Variants in TYW1B observed in about 807,000 individuals in gnomAD.
The protein encoded by TYW1B is S-adenosyl-L-methionine-dependent tRNA 4-demethylwyosine synthase TYW1B.
Under a neutral mutation model 86.9 loss-of-function variants are expected in TYW1B, and 73 were observed. The ratio of observed to expected loss-of-function variants is 0.84; its 90% confidence interval spans 0.70 to 1.02. The LOEUF is 1.02. Ranked by LOEUF, TYW1B falls within the 50% of genes least tolerant of loss-of-function variation. The pLI is 0.00. For synonymous variants in TYW1B, 248 were observed against 292.8 expected, an observed-to-expected ratio of 0.85 and a Z score of 1.56; for missense variants, 637 against 827.4, an observed-to-expected ratio of 0.77 and a Z score of 2.82.
chr7:72,805,596 A>G (rs1037558541), intron 5 of TYW1B, among the ~76,000 whole-genome samples: 1 of 151,268 alleles, frequency 6.6e-6, no homozygotes, highest in Admixed American at 6.6e-5. Flanking sequence ...TGGGGGTGAC[A>G]GAATGAGACC....
chr7:72,794,807 C>T (rs1321258007), intron 6 of TYW1B, among the ~76,000 whole-genome samples: 1 of 151,454 alleles, frequency 6.6e-6, no homozygotes, highest in African/African-American at 2.4e-5. Flanking sequence ...CAAGTAACAA[C>T]TTCCCCACTT....
intron 9 of TYW1B, among the ~76,000 whole-genome samples, chr7:72,725,451 T>C (rs1786981536): frequency 1.3e-5 from 2 of 152,130 alleles, no homozygotes; most frequent in Non-Finnish European, 2.9e-5. Context: ...CACATAAAAA[T>C]AAAAGTACTG....
chr7:72,629,181 T>A (rs1554439470), intron 11 of TYW1B, among the ~76,000 whole-genome samples, 184 bp from the exon 12 acceptor site: 1 of 152,236 alleles, frequency 6.6e-6, no homozygotes, highest in African/African-American at 2.4e-5. Context: ...GATTCTAACA[T>A]GCCTTATGGA....
chr7:72,580,155 C>A (rs1811119016), intron 13 of TYW1B, among the ~76,000 whole-genome samples: 1 of 152,130 alleles, frequency 6.6e-6, no homozygotes, highest in East Asian at 1.9e-4. Flanking sequence ...ATGAACAGAG[C>A]CACTAGACCC....
chr7:72,644,193 T>C (rs116628139), intron 11 of TYW1B, among the ~76,000 whole-genome samples: 46 of 152,100 alleles, frequency 3.0e-4, no homozygotes, highest in African/African-American at 1.0e-3. Context: ...CCATTGATAA[T>C]AGATAGTCAC....
At chr7:72,593,833 A>G (rs1554432072) in intron 13 of TYW1B, among the ~76,000 whole-genome samples, 1 of 149,608 alleles carries the variant, frequency 6.7e-6, no homozygotes, top group African/African-American at 2.5e-5. Context: ...AAAAAAAAAA[A>G]AAAAAAAAAA....
At chr7:72,728,165 C>T (rs1787039336) in intron 9 of TYW1B, among the ~76,000 whole-genome samples, 1 of 152,044 alleles carries the variant, frequency 6.6e-6, no homozygotes, top group Admixed American at 6.6e-5. Flanking sequence ...TTTCCACTAA[C>T]CTAAAATTTC....
At chr7:72,780,213 T>A (rs1788027821) in intron 6 of TYW1B, among the ~76,000 whole-genome samples, 1 of 152,134 alleles carries the variant, frequency 6.6e-6, no homozygotes, top group Admixed American at 6.6e-5. Context: ...CAAGCGATCC[T>A]CCCGCCTCAG....
intron 2 of TYW1B, among the ~76,000 whole-genome samples, chr7:72,822,044 G>T (rs1788836610): frequency 1.3e-5 from 2 of 151,396 alleles, no homozygotes; most frequent in African/African-American, 4.9e-5. Flanking sequence ...CTAGGAGTTT[G>T]AGACCAGACT....
chr7:72,632,367 G>GTATATATAATGTATATATA, intron 11 of TYW1B, among the ~76,000 whole-genome samples: 1 of 60,476 alleles, frequency 1.7e-5, no homozygotes, highest in East Asian at 5.1e-4. Flanking sequence ...ATATATATAC[G>GTATATATAATGTATATATA]CATATATATT....
chr7:72,784,171 T>A (rs1336139187), intron 6 of TYW1B, among the ~76,000 whole-genome samples: 1 of 151,096 alleles, frequency 6.6e-6, no homozygotes, highest in African/African-American at 2.4e-5. Flanking sequence ...CAATAGGCTT[T>A]ACATTTACAA....
intron 13 of TYW1B, among the ~76,000 whole-genome samples, chr7:72,603,673 G>A (rs1387581746): frequency 2.6e-5 from 4 of 152,136 alleles, no homozygotes; most frequent in African/African-American, 9.7e-5. Context: ...ATCGAGGTCA[G>A]CATTGTTAGT....
chr7:72,684,015 C>T (rs1199745043), intron 11 of TYW1B, among the ~76,000 whole-genome samples: 2 of 152,036 alleles, frequency 1.3e-5, no homozygotes, highest in African/African-American at 4.8e-5. Flanking sequence ...TCAACAGAAA[C>T]CTCTAAAACT....
rs1788940449 is a variant in TYW1B at position 72,826,846 on chromosome 7, T to C, written c.135+9A>G. The C allele has an allele frequency of 6.2e-7, 1 of 1,606,074 alleles. No homozygotes were observed. Among genetic ancestry groups the C allele is most frequent in the African/African-American group, 1.3e-5 (1 of 74,090 alleles). On this transcript the variant is annotated intron_variant, in intron 2 of 13. Transcript: ENST00000620995. ...TAAATACTCTATTAAAAAAAATAAC[T>C]CCACTTACCTGCATCTCGATGACAA...
chr7:72,816,604 C>G (rs13307806), intron 2 of TYW1B, among the ~76,000 whole-genome samples: 1 of 152,140 alleles, frequency 6.6e-6, no homozygotes, highest in South Asian at 2.1e-4. Flanking sequence ...AGCTTCAGGA[C>G]AGAGGCTCAT....
intron 8 of TYW1B, among the ~76,000 whole-genome samples, chr7:72,739,440 G>A (rs1176794107): frequency 6.6e-6 from 1 of 151,644 alleles, no homozygotes; most frequent in African/African-American, 2.4e-5. Context: ...CCTGTCTCTG[G>A]TAAAAGATAC....
chr7:72,750,348 C>T (rs573333757), intron 7 of TYW1B, among the ~76,000 whole-genome samples: 6 of 152,260 alleles, frequency 3.9e-5, no homozygotes, highest in Non-Finnish European at 7.4e-5. Context: ...ACTCAAAGTT[C>T]GTCGTTCTTT....
intron 13 of TYW1B, among the ~76,000 whole-genome samples, chr7:72,596,527 T>C (rs1179092744): frequency 6.6e-6 from 1 of 152,102 alleles, no homozygotes; most frequent in African/African-American, 2.4e-5. Flanking sequence ...CCAAGACTAC[T>C]CAATGGGGAA....
At chr7:72,624,248 C>A (rs1554438419) in intron 12 of TYW1B, among the ~76,000 whole-genome samples, 1 of 152,180 alleles carries the variant, frequency 6.6e-6, no homozygotes, top group Non-Finnish European at 1.5e-5. Flanking sequence ...TTTCATTTGT[C>A]TTTTGAATTA....
Sources: gnomAD v4.1 joint callset for allele counts (sites outside exome capture counted in the v4.1 genomes callset) on GRCh38, gnomAD v4.1.1 for gene constraint, MANE v1.5 for transcripts, NCBI Gene and HGNC (gene_info 2026-07-23, HGNC 2026-07-21) for gene names.